MORN1: variants seen among roughly 807,000 people sequenced by gnomAD.
The protein encoded by MORN1 is MORN repeat-containing protein 1.
Under a neutral mutation model 61.9 loss-of-function variants are expected in MORN1, and 67 were observed. That is an observed-to-expected ratio of 1.08 (90% CI 0.89 to 1.33). MORN1 has a LOEUF of 1.33. MORN1 is among the 40% of genes most tolerant of loss of function. MORN1 has a pLI of 0.00. For synonymous variants in MORN1, 301 were observed against 292.0 expected (o/e 1.03, Z -0.31); for missense variants, 752 against 691.2 (o/e 1.09, Z -0.99).
At chr1:2,355,160 G>C (rs979996844) in intron 10 of MORN1, 1 of 1,150,052 alleles carries the variant, frequency 8.7e-7, no homozygotes, top group African/African-American at 1.6e-5. Context: ...ATCTCTCCAA[G>C]TAGAAGGCAT....
chr1:2,374,397 C>G, intron 7 of MORN1, 64 bp downstream of exon 7: 1 of 1,444,368 alleles, frequency 6.9e-7, no homozygotes, highest in African/African-American at 1.4e-5. Flanking sequence ...TATGGCTGCC[C>G]GGGGGCCAGG....
chr1:2,354,774 A>G (rs1221414633), intron 10 of MORN1, among the ~76,000 whole-genome samples: 1 of 152,102 alleles, frequency 6.6e-6, no homozygotes, highest in Non-Finnish European at 1.5e-5. Context: ...AGGCACAGAG[A>G]GGTTTAGCTT....
rs1375731449 is a variant in MORN1, at chr1:2,334,212, C to T, written c.1250+2257G>A. On this transcript the variant is annotated intron_variant, in intron 12 of 13. Transcript: ENST00000378531. The surrounding 1 kb of genome is among the most constrained non-coding windows in gnomAD (Gnocchi z 5.4). The stretch of plus-strand genomic sequence containing the variant: ...TCGTGAGGTCGACGCCCCGGTCAGC[C>T]ACAGTTGAGGGCCTCTGGGTGGTGG... Among the ~76,000 whole-genome samples, 2 of 151,748 alleles carry T rather than the reference C, an allele frequency of 1.3e-5. No homozygotes were observed. The highest frequency in any genetic ancestry group is 1.3e-4 in the Admixed American group (2 of 15,252).
intron 9 of MORN1, among the ~76,000 whole-genome samples, 165 bp downstream of exon 9, chr1:2,358,427 C>T (rs1176581975): frequency 1.3e-5 from 2 of 152,110 alleles, no homozygotes; most frequent in South Asian, 2.1e-4. Context: ...GGGTCAGGTA[C>T]TGAAATTCAA....
At chr1:2,331,601 GC>G (rs1318637369) in intron 12 of MORN1, among the ~76,000 whole-genome samples, 15 of 152,182 alleles carry the variant, frequency 9.9e-5, no homozygotes, top group Admixed American at 9.8e-4. Context: ...CTCTGGGAGG[GC>G]AGACATGGCC....
intron 8 of MORN1, among the ~76,000 whole-genome samples, chr1:2,367,320 A>AG (rs1231166020): frequency 2.0e-5 from 3 of 151,482 alleles, no homozygotes; most frequent in Non-Finnish European, 4.4e-5. Context: ...AAAAAAAAAA[A>AG]AAAAGAAAAA....
intron 8 of MORN1, among the ~76,000 whole-genome samples, chr1:2,369,261 G>A (rs1355181634): frequency 6.6e-6 from 1 of 151,556 alleles, no homozygotes; most frequent in East Asian, 1.9e-4. Flanking sequence ...GGCTGAGGCA[G>A]GAGAATGGTG....
chr1:2,323,907 C>T, intron 13 of MORN1, 190 bp downstream of exon 13: 2 of 985,108 alleles, frequency 2.0e-6, no homozygotes, highest in Non-Finnish European at 2.4e-6. Flanking sequence ...CCCCAGCCCC[C>T]AAGCCACCAG....
chr1:2,384,962 G>A lies in MORN1; in HGVS notation c.537+16C>T, dbSNP rs367804943. 173 of 1,541,176 alleles carry A rather than the reference G, an allele frequency of 1.1e-4. No individual in the cohort carries two copies. In the Middle Eastern group the frequency reaches 1.6e-3, roughly 14 times the overall value. ...CTGTACCCTCTGGGCAGCAGGTGCCGCGCGCCCCCGGGTACCTTGTAGGTG... is the reference window on the plus strand; with the variant it reads ...CTGTACCCTCTGGGCAGCAGGTGCCACGCGCCCCCGGGTACCTTGTAGGTG... On this transcript the variant is annotated intron_variant, in intron 6 of 13. Coordinates refer to ENST00000378531, the MANE Select transcript of MORN1 (RefSeq NM_024848.3).
chr1:2,385,553 G>GGC (rs924107329), intron 5 of MORN1: 2 of 340,666 alleles, frequency 5.9e-6, no homozygotes, highest in Non-Finnish European at 1.1e-5. Context: ...TTTAATCGGG[G>GGC]GGGGGGGGGA....
intron 10 of MORN1, among the ~76,000 whole-genome samples, chr1:2,339,432 C>A (rs1304827999): frequency 1.3e-5 from 2 of 152,214 alleles, no homozygotes; most frequent in Non-Finnish European, 2.9e-5. Flanking sequence ...GCCCCTGGGT[C>A]CTGGCTGTGA....
intron 1 of MORN1, chr1:2,390,775 G>C: frequency 1.0e-6 from 1 of 977,466 alleles, no homozygotes; most frequent in Middle Eastern, 5.2e-4. Context: ...TTGAGACTGA[G>C]TCTTGCTCTG....
intron 12 of MORN1, among the ~76,000 whole-genome samples, chr1:2,328,542 T>C (rs1380565176): frequency 6.6e-6 from 1 of 152,106 alleles, no homozygotes; most frequent in African/African-American, 2.4e-5. Flanking sequence ...CGGGTGCGGC[T>C]TTCAGAGAAG....
chr1:2,368,346 A>G (rs1275919539), intron 8 of MORN1, among the ~76,000 whole-genome samples: 3 of 152,238 alleles, frequency 2.0e-5, no homozygotes, highest in African/African-American at 7.2e-5. Context: ...GCAGCAGCTC[A>G]GGGCAGTGTC....
intron 10 of MORN1, among the ~76,000 whole-genome samples, chr1:2,343,620 C>G (rs1281253824): frequency 1.3e-5 from 2 of 152,186 alleles, no homozygotes; most frequent in African/African-American, 4.8e-5. Flanking sequence ...ACGAGCTGTT[C>G]TGAAGCTTTC....
chr1:2,378,638 G>A, intron 6 of MORN1: 1 of 298,346 alleles, frequency 3.4e-6, no homozygotes, highest in South Asian at 3.1e-5. Flanking sequence ...ATACAGCCAG[G>A]GATGCCCGGA....
chr1:2,374,370 T>C, intron 7 of MORN1, 91 bp downstream of exon 7: 1 of 1,120,310 alleles, frequency 8.9e-7, no homozygotes, highest in Non-Finnish European at 1.3e-6. Flanking sequence ...CAGTGTGCTC[T>C]TGGTCAGTGT....
intron 10 of MORN1, among the ~76,000 whole-genome samples, chr1:2,354,185 C>T (rs960981662): frequency 6.6e-6 from 1 of 152,096 alleles, no homozygotes; most frequent in Non-Finnish European, 1.5e-5. Context: ...TTGGCCCAGT[C>T]GCTGAGACAG....
At chr1:2,367,669 T>C (rs1007931169) in intron 8 of MORN1, among the ~76,000 whole-genome samples, 8 of 152,196 alleles carry the variant, frequency 5.3e-5, no homozygotes, top group Middle Eastern at 3.4e-3. Flanking sequence ...GATGGAGTCT[T>C]GCTCTGGGGT....
Sources: gnomAD v4.1 joint callset for allele counts (sites outside exome capture counted in the v4.1 genomes callset) on GRCh38, gnomAD v4.1.1 for gene constraint, Gnocchi (gnomAD v3.1) non-coding constraint, MANE v1.5 for transcripts, NCBI Gene and HGNC (gene_info 2026-07-23, HGNC 2026-07-21) for gene names.